THAP8: variants seen among roughly 807,000 people sequenced by gnomAD.
THAP8 encodes THAP domain containing 8, also known as THAP domain-containing protein 8.
In THAP8, 24 loss-of-function variants were observed where a neutral mutation model predicts 25.0. The observed-to-expected ratio is 0.96, with a 90% CI of 0.69 to 1.35. The LOEUF is 1.35. THAP8 is among the 40% of genes most tolerant of loss of function. The pLI is 0.00. For missense variants in THAP8, 399 were observed against 368.8 expected, an observed-to-expected ratio of 1.08 and a Z score of -0.67; for synonymous variants, 169 against 157.6, an observed-to-expected ratio of 1.07 and a Z score of -0.54.
In THAP8 at chr19:36,039,940, TC is replaced by T. The variant is rs1845113517; in HGVS notation, c.276+3del. 1 of 1,612,404 alleles carries T rather than the reference TC, an allele frequency of 6.2e-7. No homozygotes were observed. Among genetic ancestry groups the T allele is most frequent in the African/African-American group, 1.3e-5 (1 of 74,872 alleles). On this transcript the variant is annotated splice_donor_region_variant and intron_variant, in intron 2 of 3. Coordinates refer to ENST00000292894, the MANE Select transcript of THAP8 (RefSeq NM_152658.3). The stretch of plus-strand genomic sequence containing the variant: ...TTCCAGCAGCAGGACCTCCCAGCGC[TC>T]ACCTTGGCAGGTGGTCCCCGGGAGA...
At chr19:36,044,654 T>A (rs975678614) in intron 1 of THAP8, among the ~76,000 whole-genome samples, 2 of 152,194 alleles carry the variant, frequency 1.3e-5, no homozygotes, top group Admixed American at 6.5e-5. Flanking sequence ...CACACCTGGC[T>A]AATTTAAAAT....
chr19:36,054,297 A>T, upstream of THAP8: 1 of 1,503,718 alleles, frequency 6.7e-7, no homozygotes, highest in Non-Finnish European at 9.0e-7. Flanking sequence ...ACCCCGCCCC[A>T]CCCGCGCTCG....
intron 1 of THAP8, among the ~76,000 whole-genome samples, chr19:36,052,217 G>T (rs939625734): frequency 6.6e-6 from 1 of 152,010 alleles, no homozygotes; most frequent in African/African-American, 2.4e-5. Flanking sequence ...GCTAATTTTT[G>T]TATTTTTAGT....
upstream of THAP8, chr19:36,054,544 A>C (rs748910187): frequency 2.5e-5 from 14 of 553,650 alleles, no homozygotes; most frequent in Non-Finnish European, 4.6e-5. Context: ...CAACCAAATC[A>C]ACTGGCTAGT....
At chr19:36,043,977 A>T (rs1487571192) in intron 1 of THAP8, among the ~76,000 whole-genome samples, 1 of 152,164 alleles carries the variant, frequency 6.6e-6, no homozygotes, top group African/African-American at 2.4e-5. Context: ...GACCCTCTAA[A>T]TGTGCCCCAC....
In THAP8 at chr19:36,053,500, A is replaced by G. The variant is rs530615775; in HGVS notation, c.83+635T>C. Among the ~76,000 whole-genome samples the G allele has an allele frequency of 1.7e-3, 245 of 143,834 alleles. 2 individuals carry two copies. Among genetic ancestry groups the G allele is most frequent in the African/African-American group, 5.9e-3 (230 of 38,686 alleles). The allele number at this position is 143,834 out of a possible 152,430, so 94.4% of individuals were successfully genotyped here. A position where few individuals can be genotyped will look rare whatever the true frequency, so the allele number is the denominator to read the frequency against. ...AGCCCGGGAGGTCGAGGTTGCAGTGAGCTGTGATCGTTCCACTGCATTCCA... is the reference window on the plus strand; with the variant it reads ...AGCCCGGGAGGTCGAGGTTGCAGTGGGCTGTGATCGTTCCACTGCATTCCA... On this transcript the variant is annotated intron_variant, in intron 1 of 3. Transcript: ENST00000292894.
In THAP8 at chr19:36,054,200, C is replaced by G; in HGVS notation, c.18G>C (p.Arg6Ser). Residue 6 changes from arginine (R) to serine (S), a missense_variant, in exon 1 of 4, where the codon AGG becomes AGC. By Grantham distance (110) the Arg-to-Ser change is moderately radical. Coordinates refer to ENST00000292894, the MANE Select transcript of THAP8 (RefSeq NM_152658.3). MPKYC[R>S]APNCSNTAGR... is the part of the protein sequence containing the mutation. ...CCGCAGTGTTGGAGCAGTTCGGCGC[C>G]CTGCAGTACTTGGGCATGGCTATCC... 6.2e-7 allele frequency: 1 copy of G among 1,613,874 alleles called. No homozygotes were observed. Among genetic ancestry groups the G allele is most frequent in the Non-Finnish European group, 8.5e-7 (1 of 1,179,912 alleles).
rs745852718 is a variant in THAP8 at position 36,035,474 on chromosome 19, G to A, written c.791C>T (p.Pro264Leu). ...DPAPATVDAK[P>L]ELLDTRIPSA ...GGGGATCCGAGTGTCCAGGAGCTCCGGCTTGGCATCCACTGTGGCAGGTGC... is the reference window on the plus strand; with the variant it reads ...GGGGATCCGAGTGTCCAGGAGCTCCAGCTTGGCATCCACTGTGGCAGGTGC... The change falls in exon 4 of 4, where the codon CCG (proline) becomes CTG (leucine). Residue 264 changes from proline to leucine, a missense_variant. Pro to Leu is a moderately conservative substitution (Grantham distance 98). Transcript: ENST00000292894. 27 of 1,613,976 alleles carry A rather than the reference G, an allele frequency of 1.7e-5. No individual in the cohort carries two copies. In the Admixed American group the frequency reaches 3.0e-4, roughly 18 times the overall value.
chr19:36,053,674 T>A (rs1425340607), intron 1 of THAP8, among the ~76,000 whole-genome samples: 1 of 152,162 alleles, frequency 6.6e-6, no homozygotes, highest in Non-Finnish European at 1.5e-5. Context: ...ATTCTGACTT[T>A]CCCAAGTATG....
At chr19:36,041,181 A>G (rs1969680934) in intron 1 of THAP8, among the ~76,000 whole-genome samples, 1 of 151,766 alleles carries the variant, frequency 6.6e-6, no homozygotes, top group African/African-American at 2.4e-5. Context: ...GTATGGTGGT[A>G]CATGCCTGTA....
intron 3 of THAP8, 97 bp from the exon 4 acceptor site, chr19:36,035,689 G>A (rs1681058611): frequency 2.1e-6 from 3 of 1,419,190 alleles, no homozygotes; most frequent in Admixed American, 1.9e-5. Context: ...AAAGGTGGCA[G>A]GAGGGCGTGT....
At chr19:36,046,155 C>T (rs1436908932) in intron 1 of THAP8, among the ~76,000 whole-genome samples, 1 of 152,046 alleles carries the variant, frequency 6.6e-6, no homozygotes, top group East Asian at 1.9e-4. Context: ...CCATGCTGTT[C>T]CCATGATAGT....
intron 1 of THAP8, among the ~76,000 whole-genome samples, chr19:36,041,664 A>T (rs1969697260): frequency 6.6e-6 from 1 of 152,236 alleles, no homozygotes; most frequent in Non-Finnish European, 1.5e-5. Flanking sequence ...TTCTCCAAAG[A>T]CATACAAATG....
intron 1 of THAP8, among the ~76,000 whole-genome samples, chr19:36,044,841 G>C (rs961001158): frequency 2.6e-5 from 4 of 152,072 alleles, no homozygotes; most frequent in African/African-American, 9.7e-5. Flanking sequence ...TAGAGAATTA[G>C]GGACAAAATT....
intron 1 of THAP8, among the ~76,000 whole-genome samples, chr19:36,049,892 A>G (rs1970004579): frequency 6.6e-6 from 1 of 152,034 alleles, no homozygotes; most frequent in South Asian, 2.1e-4. Flanking sequence ...ATCTCTACTA[A>G]AAATACAAAG....
chr19:36,035,876 G>C (rs1969422434), intron 3 of THAP8, among the ~76,000 whole-genome samples: 1 of 151,996 alleles, frequency 6.6e-6, no homozygotes, highest in Non-Finnish European at 1.5e-5. Flanking sequence ...GTACAGACAG[G>C]GTCAGAGATA....
At chr19:36,051,144 C>A (rs1970045351) in intron 1 of THAP8, among the ~76,000 whole-genome samples, 1 of 152,128 alleles carries the variant, frequency 6.6e-6, no homozygotes, top group Non-Finnish European at 1.5e-5. Context: ...GTGTCAGTTA[C>A]AGTTTTCCAT....
chr19:36,040,475 C>T (rs1417901019), intron 1 of THAP8, among the ~76,000 whole-genome samples: 1 of 152,072 alleles, frequency 6.6e-6, no homozygotes. Context: ...TACAGGCGCA[C>T]GCCACCACGC....
chr19:36,035,120 C>T lies in THAP8; in HGVS notation c.*320G>A, dbSNP rs1454400273. Reference sequence around the variant, plus strand: ...ACTCAGTACCAGGCTTGGCAAAAAGCGTGGGACTCCTTAGAACCAGGTATG... The same window carrying T: ...ACTCAGTACCAGGCTTGGCAAAAAGTGTGGGACTCCTTAGAACCAGGTATG... On this transcript the variant is annotated 3_prime_UTR_variant, in exon 4 of 4. Coordinates refer to ENST00000292894, the MANE Select transcript of THAP8 (RefSeq NM_152658.3). 4 of 247,490 alleles carry T rather than the reference C, an allele frequency of 1.6e-5. No individual in the cohort carries two copies. Among genetic ancestry groups the T allele is most frequent in the East Asian group, 8.1e-5 (1 of 12,336 alleles). 15.3% of individuals were successfully genotyped at this position (247,490 alleles called of 1,614,324 possible).
Sources: gnomAD v4.1 joint callset for allele counts (sites outside exome capture counted in the v4.1 genomes callset) on GRCh38, gnomAD v4.1.1 for gene constraint, MANE v1.5 for transcripts, NCBI Gene and HGNC (gene_info 2026-07-23, HGNC 2026-07-21) for gene names.